Variants in LOC128462377 observed in about 807,000 individuals in gnomAD.
At chr16:89,350,558 C>G in the LOC128462377 span, among the ~76,000 whole-genome samples, 580 of 152,306 alleles carry the variant, frequency 3.8e-3, 2 homozygotes, top group African/African-American at 0.014. Flanking sequence ...AGTCCACACT[C>G]AATGATTCCA....
the LOC128462377 span, among the ~76,000 whole-genome samples, chr16:89,356,101 C>A: frequency 6.6e-6 from 1 of 152,310 alleles, no homozygotes; most frequent in African/African-American, 2.4e-5. Flanking sequence ...AAGAAAGAAT[C>A]TGGAAAACCT....
chr16:89,344,943 T>C, the LOC128462377 span, among the ~76,000 whole-genome samples: 1 of 152,158 alleles, frequency 6.6e-6, no homozygotes, highest in African/African-American at 2.4e-5. Context: ...TGAAAAAGAA[T>C]GGTTGGCAGA....
chr16:89,382,589 G>A, the LOC128462377 span, among the ~76,000 whole-genome samples: 1,082 of 152,038 alleles, frequency 7.1e-3, 10 homozygotes, highest in African/African-American at 0.025. Context: ...CATCCACTTC[G>A]GCCTCCCAAA....
chr16:89,328,453 C>T, the LOC128462377 span, among the ~76,000 whole-genome samples: 1 of 152,246 alleles, frequency 6.6e-6, no homozygotes, highest in Non-Finnish European at 1.5e-5. Flanking sequence ...ACAGGTGTCC[C>T]AGCGGTGTCC....
At chr16:89,325,294 C>T in the LOC128462377 span, among the ~76,000 whole-genome samples, 1 of 152,042 alleles carries the variant, frequency 6.6e-6, no homozygotes, top group South Asian at 2.1e-4. Context: ...AAAAATTAGC[C>T]GGGCACTGTG....
the LOC128462377 span, among the ~76,000 whole-genome samples, chr16:89,366,063 GAGGTTGC>G: frequency 6.7e-6 from 1 of 149,978 alleles, no homozygotes; most frequent in Non-Finnish European, 1.5e-5. Context: ...CTGGAAGGTG[GAGGTTGC>G]AGTGAGCTAA....
At chr16:89,328,627 C>A in the LOC128462377 span, among the ~76,000 whole-genome samples, 1 of 149,552 alleles carries the variant, frequency 6.7e-6, no homozygotes, top group Admixed American at 6.6e-5. Flanking sequence ...AGTGAGTGGA[C>A]ACACCCAGGA....
chr16:89,394,344 G>A, the LOC128462377 span, among the ~76,000 whole-genome samples: 50 of 152,266 alleles, frequency 3.3e-4, no homozygotes, highest in African/African-American at 1.1e-3. Flanking sequence ...AAAACAGCTC[G>A]TGGGCCAGGC....
the LOC128462377 span, among the ~76,000 whole-genome samples, chr16:89,417,624 T>A: frequency 9.2e-5 from 14 of 151,846 alleles, no homozygotes; most frequent in African/African-American, 3.1e-4. Context: ...GGTCTCCAGC[T>A]CCTAGGAAAA....
chr16:89,352,639 T>C, the LOC128462377 span, among the ~76,000 whole-genome samples: 1 of 152,150 alleles, frequency 6.6e-6, no homozygotes. Context: ...AAAAGCTCTG[T>C]CCGCTCCACT....
the LOC128462377 span, among the ~76,000 whole-genome samples, chr16:89,414,599 G>C: frequency 5.4e-4 from 82 of 152,346 alleles, no homozygotes; most frequent in African/African-American, 1.9e-3. Context: ...CTTTACAGTA[G>C]ATACGACCGT....
At chr16:89,380,567 G>A in the LOC128462377 span, among the ~76,000 whole-genome samples, 2 of 152,138 alleles carry the variant, frequency 1.3e-5, no homozygotes, top group African/African-American at 2.4e-5. Flanking sequence ...GGACCTGCCC[G>A]CTGCCTTGGG....
chr16:89,324,157 C>A, the LOC128462377 span: 2 of 1,067,022 alleles, frequency 1.9e-6, no homozygotes, highest in Non-Finnish European at 2.4e-6. Context: ...TGTTTCCACT[C>A]ACATTTTCTG....
the LOC128462377 span, among the ~76,000 whole-genome samples, chr16:89,340,527 G>A: frequency 2.0e-5 from 3 of 152,076 alleles, no homozygotes; most frequent in Non-Finnish European, 2.9e-5. Context: ...CACCTGCCTC[G>A]GCCTCCCAAA....
At chr16:89,406,109 C>CA in the LOC128462377 span, among the ~76,000 whole-genome samples, 4,277 of 48,526 alleles carry the variant, frequency 0.088, 286 homozygotes, top group African/African-American at 0.21. Flanking sequence ...GATTCCATCT[C>CA]AAAAAAAAAA....
At chr16:89,335,060 C>T in the LOC128462377 span, among the ~76,000 whole-genome samples, 7 of 152,104 alleles carry the variant, frequency 4.6e-5, no homozygotes, top group Non-Finnish European at 8.8e-5. Context: ...GATGTTATAC[C>T]GCAAAGAACA....
At chr16:89,349,006 T>A in the LOC128462377 span, among the ~76,000 whole-genome samples, 2 of 151,360 alleles carry the variant, frequency 1.3e-5, no homozygotes, top group East Asian at 3.9e-4. Flanking sequence ...AGCGCACTTG[T>A]AATCCCAGCT....
chr16:89,382,729 C>G, the LOC128462377 span, among the ~76,000 whole-genome samples: 12 of 152,110 alleles, frequency 7.9e-5, no homozygotes, highest in African/African-American at 2.9e-4. Flanking sequence ...ATCCTCCTGC[C>G]TCGGCCTCCC....
At chr16:89,339,954 G>C in the LOC128462377 span, 1 of 152,190 alleles carries the variant, frequency 6.6e-6, no homozygotes, top group Non-Finnish European at 1.5e-5. Context: ...TTCCCTTCAA[G>C]TTGTGCTCTG....
Sources: allele counts gnomAD v4.1 joint callset (sites outside exome capture counted in the v4.1 genomes callset), GRCh38; gene constraint gnomAD v4.1.1; transcripts MANE v1.5.